Variants in NCAPD2 observed in about 807,000 individuals in gnomAD.
NCAPD2 encodes non-SMC condensin I complex subunit D2.
A neutral mutation model predicts 164.5 loss-of-function variants in NCAPD2; 100 were observed. That is an observed-to-expected ratio of 0.61 (90% CI 0.52 to 0.72). NCAPD2 has a LOEUF of 0.72. Ranked by LOEUF, NCAPD2 falls within the 30% of genes least tolerant of loss-of-function variation. NCAPD2 has a pLI of 0.00. For missense variants in NCAPD2, 1,560 were observed against 1,749.2 expected, an observed-to-expected ratio of 0.89 and a Z score of 1.93; for synonymous variants, 585 against 642.6, an observed-to-expected ratio of 0.91 and a Z score of 1.36.
In NCAPD2 at chr12:6,528,504, C is replaced by T. The variant is rs950920325; in HGVS notation, c.3300-175C>T. On this transcript the variant is annotated intron_variant, in intron 25 of 31. Transcript: ENST00000315579. The surrounding 1 kb of genome is among the most constrained non-coding windows in gnomAD (Gnocchi z 5.1). ...AGTCACCCCAGTGGGACTGACACTT[C>T]TGGTTAGAAGCTTCACCTCTTTCCC... 2 of 1,131,294 alleles carry T rather than the reference C, an allele frequency of 1.8e-6. No individual in the cohort carries two copies. Among genetic ancestry groups the T allele is most frequent in the Non-Finnish European group, 2.5e-6 (2 of 796,958 alleles). 70.1% of individuals were successfully genotyped at this position (1,131,294 alleles called of 1,614,324 possible).
intron 1 of NCAPD2, among the ~76,000 whole-genome samples, chr12:6,494,741 G>A (rs1459713219): frequency 2.0e-5 from 3 of 152,176 alleles, no homozygotes. Context: ...TTGATCATCA[G>A]AGCAACTTTG....
Position 6,522,141 on chromosome 12 carries a change from T to A in NCAPD2, c.1954+104T>A. ...TAGAGATGGGGCCTTCCTTTGTTGC[T>A]CAGGCTGGTCTCCAACTCCTGGGCT... On this transcript the variant is annotated intron_variant, in intron 15 of 31. Transcript: ENST00000315579. 3.9e-6 allele frequency: 5 copies of A among 1,288,724 alleles called. No individual in the cohort carries two copies. In the East Asian group the frequency reaches 9.9e-5, roughly 26 times the overall value. The allele number at this position is 1,288,724 out of a possible 1,614,324, so 79.8% of individuals were successfully genotyped here.
At chr12:6,511,855 G>A (rs1946151171) in intron 6 of NCAPD2, among the ~76,000 whole-genome samples, 1 of 152,010 alleles carries the variant, frequency 6.6e-6, no homozygotes, top group Non-Finnish European at 1.5e-5. Flanking sequence ...ATGGTGGTGT[G>A]TGCCTGTAAT....
At chr12:6,505,986 G>T (rs73257105) in intron 2 of NCAPD2, among the ~76,000 whole-genome samples, 9,221 of 151,766 alleles carry the variant, frequency 0.061, 491 homozygotes, top group African/African-American at 0.13. Flanking sequence ...TTTTACATGG[G>T]GTCTCACTGT....
chr12:6,518,465 C>G (rs961709504), intron 13 of NCAPD2, among the ~76,000 whole-genome samples: 1 of 132,072 alleles, frequency 7.6e-6, no homozygotes, highest in South Asian at 2.4e-4. Flanking sequence ...TTTTGTGACT[C>G]TAGAACTTAA....
chr12:6,521,881 C>T lies in NCAPD2; in HGVS notation c.1798C>T (p.Pro600Ser), dbSNP rs574601341. Residue 600 changes from proline (P) to serine (S), a missense_variant, in exon 15 of 32, where the codon CCC becomes TCC. Physicochemically the swap from Pro to Ser is moderately conservative, Grantham distance 74 (BLOSUM62 -1). Coordinates refer to ENST00000315579, the MANE Select transcript of NCAPD2 (RefSeq NM_014865.4). ...VTGQTVCKNK[P>S]NMSDPEESRG... ...AGGACAGACTGTCTGTAAAAATAAACCCAATATGTCGGATCCTGAGGAATC... is the reference window on the plus strand; with the variant it reads ...AGGACAGACTGTCTGTAAAAATAAATCCAATATGTCGGATCCTGAGGAATC... 4 of 1,614,112 alleles carry T rather than the reference C, an allele frequency of 2.5e-6. No individual in the cohort carries two copies. The African/African-American group carries it at 4.0e-5, about 16-fold the overall frequency.
chr12:6,497,298 C>CT (rs1945993018), intron 2 of NCAPD2, among the ~76,000 whole-genome samples: 1 of 5,850 alleles, frequency 1.7e-4, no homozygotes, highest in Non-Finnish European at 3.5e-4. Context: ...TAAATGGTCA[C>CT]CTTTTTTTTT....
chr12:6,506,313 C>T (rs1384264559), intron 2 of NCAPD2, among the ~76,000 whole-genome samples: 3 of 152,096 alleles, frequency 2.0e-5, no homozygotes, highest in East Asian at 3.9e-4. Flanking sequence ...TTTGGCCGGG[C>T]ACGGTGGCTC....
intron 13 of NCAPD2, among the ~76,000 whole-genome samples, chr12:6,518,660 A>G (rs1468946939): frequency 6.6e-6 from 1 of 150,900 alleles, no homozygotes; most frequent in Non-Finnish European, 1.5e-5. Context: ...AGCTGGGACC[A>G]CAGGCGCGCA....
rs1005325391 is a variant in NCAPD2, at chr12:6,522,767, T to C, written c.1955-61T>C. ...TCTTGCTACATTCAGAAAGGTTCTG[T>C]CGTTAGGTATTGGGGGAGTTTTGTG... On this transcript the variant is annotated intron_variant, in intron 15 of 31. Coordinates refer to ENST00000315579, the MANE Select transcript of NCAPD2 (RefSeq NM_014865.4). The C allele has an allele frequency of 2.8e-5, 44 of 1,567,734 alleles. No homozygotes were observed. The Admixed American group carries it at 7.9e-4, about 28-fold the overall frequency.
intron 10 of NCAPD2, 34 bp downstream of exon 10, chr12:6,517,059 A>G: frequency 1.9e-6 from 3 of 1,591,160 alleles, no homozygotes; most frequent in Non-Finnish European, 2.6e-6. Context: ...AACATATGGT[A>G]CCTCTCCATA....
intron 2 of NCAPD2, among the ~76,000 whole-genome samples, chr12:6,497,235 C>T (rs1470536379): frequency 6.6e-6 from 1 of 152,114 alleles, no homozygotes; most frequent in African/African-American, 2.4e-5. Context: ...ATTGAACATG[C>T]TGCATACTAT....
intron 5 of NCAPD2, 96 bp downstream of exon 5, chr12:6,510,906 G>A (rs1565541586): frequency 2.1e-6 from 3 of 1,442,088 alleles, no homozygotes; most frequent in Non-Finnish European, 2.8e-6. Context: ...AATCCTTTCT[G>A]TCCTCATTGA....
At position 6,531,216 on chromosome 12, in the gene NCAPD2, G is replaced by C; in HGVS notation, c.4121-111G>C. 6.7e-7 allele frequency: 1 copy of C among 1,481,978 alleles called. No individual in the cohort carries two copies. The highest frequency in any genetic ancestry group is 9.3e-7 in the Non-Finnish European group (1 of 1,079,376). The allele number at this position is 1,481,978 out of a possible 1,614,324, so 91.8% of individuals were successfully genotyped here. A position where few individuals can be genotyped will look rare whatever the true frequency, so the allele number is the denominator to read the frequency against. On this transcript the variant is annotated intron_variant, in intron 31 of 31. Transcript: ENST00000315579. The surrounding 1 kb of genome is among the most constrained non-coding windows in gnomAD (Gnocchi z 4.1). Reference sequence around the variant, plus strand: ...CAGAAGGGCCTCTCCTGTACAGCTTGGATTTTATTTCTTCTGTGCGGTGTG... The same window carrying C: ...CAGAAGGGCCTCTCCTGTACAGCTTCGATTTTATTTCTTCTGTGCGGTGTG...
Position 6,509,812 on chromosome 12 carries a change from G to A in NCAPD2, c.203+20G>A, listed in dbSNP as rs369593713. On this transcript the variant is annotated intron_variant, in intron 3 of 31. Transcript: ENST00000315579. ...TTTGCAGTAAGTGAAACACCCAACT[G>A]GTACTTTAAAAAGAACTGGTGACTG... 34 of 1,610,112 alleles carry A rather than the reference G, an allele frequency of 2.1e-5. No individual in the cohort carries two copies. The highest frequency in any genetic ancestry group is 1.9e-5 in the Non-Finnish European group (22 of 1,177,626).
At chr12:6,521,744 G>A (rs753854951) in intron 14 of NCAPD2, 54 bp from the exon 15 acceptor site, 1 of 1,579,328 alleles carries the variant, frequency 6.3e-7, no homozygotes, top group Non-Finnish European at 8.6e-7. Context: ...ACAGCTGTTG[G>A]ATTCCCCTGT....
intron 2 of NCAPD2, among the ~76,000 whole-genome samples, chr12:6,509,210 A>AC (rs1946123819): frequency 6.6e-6 from 1 of 152,178 alleles, no homozygotes; most frequent in South Asian, 2.1e-4. Context: ...TGAAGCTCAA[A>AC]CAAGGCTTTA....
intron 2 of NCAPD2, among the ~76,000 whole-genome samples, chr12:6,502,836 T>TG (rs1565539082): frequency 5.4e-5 from 4 of 73,756 alleles, no homozygotes; most frequent in Admixed American, 3.0e-4. Flanking sequence ...ACAAAGGTGT[T>TG]TTTGTTGTTG....
intron 17 of NCAPD2, 23 bp from the exon 18 acceptor site, chr12:6,525,560 A>G (rs1213809598): frequency 1.3e-6 from 2 of 1,585,490 alleles, no homozygotes; most frequent in Non-Finnish European, 1.7e-6. Flanking sequence ...TTTTGGCTTG[A>G]GCCCTTTTTC....
Sources: gnomAD v4.1 joint callset for allele counts (sites outside exome capture counted in the v4.1 genomes callset) on GRCh38, gnomAD v4.1.1 for gene constraint, Gnocchi (gnomAD v3.1) non-coding constraint, MANE v1.5 for transcripts, NCBI Gene and HGNC (gene_info 2026-07-23, HGNC 2026-07-21) for gene names.